Variants in ZNF385D observed in about 807,000 individuals in gnomAD.
ZNF385D encodes zinc finger protein 659.
Under a neutral mutation model 35.8 loss-of-function variants are expected in ZNF385D, and 15 were observed. The ratio of observed to expected loss-of-function variants is 0.42; its 90% CI spans 0.28 to 0.64. The LOEUF (loss-of-function observed/expected upper bound fraction) is 0.64. ZNF385D is among the 30% of genes least tolerant of loss of function. The pLI is 0.23. For synonymous variants in ZNF385D, 212 were observed against 186.8 expected (o/e 1.13, Z -1.10); for missense variants, 474 against 494.6 (o/e 0.96, Z 0.39).
intron 3 of ZNF385D, among the ~76,000 whole-genome samples, chr3:22,015,896 C>T (rs935871598): frequency 5.9e-5 from 9 of 152,032 alleles, no homozygotes; most frequent in Non-Finnish European, 1.3e-4. Flanking sequence ...ACTGTTGTGC[C>T]CACGTTCCTG....
At chr3:21,643,550 G>A (rs930163516) in intron 2 of ZNF385D, among the ~76,000 whole-genome samples, 1 of 152,104 alleles carries the variant, frequency 6.6e-6, no homozygotes, top group East Asian at 1.9e-4. Flanking sequence ...AAATGAGTCT[G>A]AGTCAATCTC....
At chr3:22,133,953 G>C (rs1703954993) in intron 3 of ZNF385D, 1 of 152,016 alleles carries the variant, frequency 6.6e-6, no homozygotes, top group Non-Finnish European at 1.5e-5. Flanking sequence ...ACAGCTCCAT[G>C]AGTGGTCCAT....
intron 2 of ZNF385D, among the ~76,000 whole-genome samples, chr3:22,264,625 A>AAT (rs1380586471): frequency 2.6e-5 from 4 of 151,934 alleles, no homozygotes; most frequent in Non-Finnish European, 5.9e-5. Flanking sequence ...GTGAAATATT[A>AAT]ATATATATTT....
chr3:21,751,827 C>G (rs965145596), upstream of ZNF385D, among the ~76,000 whole-genome samples: 3 of 152,006 alleles, frequency 2.0e-5, no homozygotes, highest in Non-Finnish European at 4.4e-5. Flanking sequence ...TAAAAGTCAC[C>G]TCTCAGTTGC....
chr3:21,707,071 G>T (rs1181824813), intron 1 of ZNF385D, among the ~76,000 whole-genome samples: 1 of 152,128 alleles, frequency 6.6e-6, no homozygotes, highest in African/African-American at 2.4e-5. Flanking sequence ...ATTCAAATTT[G>T]AGTGGGCTTT....
At chr3:22,239,278 T>C (rs1251945212) in intron 2 of ZNF385D, among the ~76,000 whole-genome samples, 1 of 151,040 alleles carries the variant, frequency 6.6e-6, no homozygotes, top group African/African-American at 2.4e-5. Context: ...TCAGGTATTG[T>C]GCGTGGTGCT....
chr3:22,329,015 T>C (rs1161838396), intron 2 of ZNF385D, among the ~76,000 whole-genome samples: 1 of 140,380 alleles, frequency 7.1e-6, no homozygotes, highest in Non-Finnish European at 1.5e-5. Flanking sequence ...AGGCGGAGCT[T>C]GCAGTGAGCC....
intron 3 of ZNF385D, among the ~76,000 whole-genome samples, chr3:21,904,981 T>C (rs1443969425): frequency 6.6e-6 from 1 of 151,780 alleles, no homozygotes. Flanking sequence ...TTTTGATGAG[T>C]GAAAAATAAA....
rs139263016 is a variant in ZNF385D, at chr3:21,571,834, A to G, written c.166-7150T>C. On this transcript the variant is annotated intron_variant, in intron 2 of 7. Coordinates refer to ENST00000281523, the MANE Select transcript of ZNF385D (RefSeq NM_024697.3). ...TTCAGAAGCAGCTCAATGAAGAGAC[A>G]CATAGGGCTAGAACTAGGAGGATAC... 2.0e-3 allele frequency among the ~76,000 whole-genome samples: 310 copies of G among 152,318 alleles called. 3 individuals are homozygous for G. The highest frequency in any genetic ancestry group is 7.3e-3 in the African/African-American group (302 of 41,580).
At chr3:21,685,617 G>C (rs1037660546) in intron 1 of ZNF385D, among the ~76,000 whole-genome samples, 2 of 152,180 alleles carry the variant, frequency 1.3e-5, no homozygotes, top group Admixed American at 1.3e-4. Flanking sequence ...CCTGATGGAT[G>C]TTGAAACCAA....
intron 3 of ZNF385D, among the ~76,000 whole-genome samples, chr3:21,821,965 CAAAAAAAA>C (rs34222360): frequency 9.2e-6 from 1 of 108,460 alleles, no homozygotes. Flanking sequence ...GACCTTGTCT[CAAAAAAAA>C]AAAAAAAAAA....
chr3:22,096,253 C>G lies in ZNF385D; in HGVS notation c.325+72564G>C, dbSNP rs149498425. Reference sequence around the variant, plus strand: ...CCTGGGTGGCAAGATCATTTGTACCCCAAACCTCAGCATTGCACAATATAC... The same window carrying G: ...CCTGGGTGGCAAGATCATTTGTACCGCAAACCTCAGCATTGCACAATATAC... On this transcript the variant is annotated intron_variant, in intron 3 of 5. Transcript: ENST00000494108. 1.9e-3 allele frequency among the ~76,000 whole-genome samples: 292 copies of G among 152,008 alleles called. 1 individual carries two copies. Among genetic ancestry groups the G allele is most frequent in the South Asian group, 0.016 (77 of 4,812 alleles).
At chr3:21,546,615 A>G (rs2062381438) in intron 3 of ZNF385D, among the ~76,000 whole-genome samples, 1 of 151,892 alleles carries the variant, frequency 6.6e-6, no homozygotes, top group Non-Finnish European at 1.5e-5. Context: ...GCTCTAGGAA[A>G]GAGAACTGGA....
rs201946045 is a variant in ZNF385D, at chr3:21,607,477, CTATCAT to C, written c.166-42799_166-42794del. ...ATACTCTTTGTATTTTTCTACTGCTCTATCATTATCATTATCAAGTTTATCCACAGA... is the reference window on the plus strand; with the variant it reads ...ATACTCTTTGTATTTTTCTACTGCTCTATCATTATCAAGTTTATCCACAGA... On this transcript the variant is annotated intron_variant, in intron 2 of 7. Transcript: ENST00000281523. Among the ~76,000 whole-genome samples the C allele has an allele frequency of 7.0e-3, 1,067 of 152,272 alleles. 15 individuals carry two copies. Among genetic ancestry groups the C allele is most frequent in the African/African-American group, 0.024 (994 of 41,546 alleles).
At chr3:21,817,275 C>T (rs1330383774) in intron 3 of ZNF385D, among the ~76,000 whole-genome samples, 1 of 152,132 alleles carries the variant, frequency 6.6e-6, no homozygotes, top group Non-Finnish European at 1.5e-5. Flanking sequence ...TAGGCATGGG[C>T]AAGGACTTCA....
At chr3:22,186,320 T>C (rs1314933980) in intron 2 of ZNF385D, among the ~76,000 whole-genome samples, 1 of 152,124 alleles carries the variant, frequency 6.6e-6, no homozygotes, top group Non-Finnish European at 1.5e-5. Context: ...GTAACTTGAA[T>C]AAACACATCC....
intron 3 of ZNF385D, among the ~76,000 whole-genome samples, chr3:22,063,340 A>G (rs1699781301): frequency 6.6e-6 from 1 of 152,200 alleles, no homozygotes; most frequent in Non-Finnish European, 1.5e-5. Flanking sequence ...AACATACATC[A>G]TTTTGATTAA....
intron 3 of ZNF385D, among the ~76,000 whole-genome samples, chr3:21,865,159 T>C (rs1450878277): frequency 1.4e-5 from 2 of 147,368 alleles, no homozygotes; most frequent in Non-Finnish European, 3.0e-5. Context: ...TATTGTAAGA[T>C]AAGGCTATAA....
chr3:21,838,968 T>C (rs1020982305), intron 3 of ZNF385D, among the ~76,000 whole-genome samples: 7 of 152,100 alleles, frequency 4.6e-5, no homozygotes, highest in African/African-American at 1.7e-4. Context: ...CTTACAGCAG[T>C]CTATGAAGTA....
Sources: gnomAD v4.1 joint callset for allele counts (sites outside exome capture counted in the v4.1 genomes callset) on GRCh38, gnomAD v4.1.1 for gene constraint, MANE v1.5 for transcripts, NCBI Gene and HGNC (gene_info 2026-07-23, HGNC 2026-07-21) for gene names.